The following EMC8 variants were observed in gnomAD, a reference collection of about 807,000 sequenced individuals.
The protein encoded by EMC8 is COX4 neighbor.
A neutral mutation model predicts 24.3 loss-of-function variants in EMC8; 11 were observed. The ratio of observed to expected loss-of-function variants is 0.45; its 90% CI spans 0.28 to 0.75. EMC8 has a LOEUF of 0.75. Ranked by LOEUF, EMC8 falls within the 30% of genes least tolerant of loss-of-function variation. The pLI, the probability that EMC8 is intolerant of heterozygous loss-of-function variation, is 0.12. For synonymous variants in EMC8, 145 were observed against 117.7 expected (o/e 1.23, Z -1.50); for missense variants, 277 against 282.7 (o/e 0.98, Z 0.14).
chr16:85,795,948 T>C (rs1368818869), intron 1 of EMC8, among the ~76,000 whole-genome samples: 1 of 152,080 alleles, frequency 6.6e-6, no homozygotes, highest in African/African-American at 2.4e-5. Flanking sequence ...GAAACTCCTA[T>C]ACATCCGGTC....
At chr16:85,797,513 T>C (rs944656570) in intron 1 of EMC8, among the ~76,000 whole-genome samples, 1 of 152,212 alleles carries the variant, frequency 6.6e-6, no homozygotes, top group African/African-American at 2.4e-5. Flanking sequence ...GCTAAAATAC[T>C]TAGTTTTATA....
chr16:85,780,334 G>T, intron 4 of EMC8, 45 bp downstream of exon 4: 1 of 1,448,664 alleles, frequency 6.9e-7, no homozygotes, highest in Non-Finnish European at 9.7e-7. Flanking sequence ...ACGTGGCCGG[G>T]CGCTGAAGGA....
At chr16:85,783,683 G>C (rs143918012) in intron 2 of EMC8, among the ~76,000 whole-genome samples, 135 of 152,252 alleles carry the variant, frequency 8.9e-4, no homozygotes, top group African/African-American at 3.2e-3. Flanking sequence ...TCAATGTCAG[G>C]AAATCTGCCT....
chr16:85,790,596 T>C (rs924649500), intron 1 of EMC8, among the ~76,000 whole-genome samples: 1 of 152,190 alleles, frequency 6.6e-6, no homozygotes, highest in Non-Finnish European at 1.5e-5. Context: ...TTGCTCTAAA[T>C]TTGGTCAAGT....
chr16:85,794,644 G>A lies in EMC8; in HGVS notation c.231+4421C>T, dbSNP rs530374027. 7.9e-4 allele frequency among the ~76,000 whole-genome samples: 120 copies of A among 152,268 alleles called. 1 individual carries two copies. The highest frequency in any genetic ancestry group is 2.8e-3 in the African/African-American group (118 of 41,538). On this transcript the variant is annotated intron_variant, in intron 1 of 4. Transcript: ENST00000253457. ...GCCAAGGTTGCAGCGAGCCGACATC[G>A]CTCCACTGCACTCCAGCCTGGGTGA...
At chr16:85,781,320 T>C (rs977569840) in intron 2 of EMC8, 40 bp from the exon 3 acceptor site, 6 of 1,279,240 alleles carry the variant, frequency 4.7e-6, no homozygotes, top group East Asian at 2.3e-5. Context: ...GTTAATGCCA[T>C]TCAACACTGT....
At chr16:85,780,500 G>C (rs1904439322) in intron 3 of EMC8, 27 bp from the exon 4 acceptor site, 3 of 1,571,722 alleles carry the variant, frequency 1.9e-6, no homozygotes, top group Non-Finnish European at 2.6e-6. Context: ...GGACACGAGA[G>C]TGAACAGAAT....
rs1270123263 is a variant in EMC8 at position 85,780,398 on chromosome 16, G to T, written c.454C>A (p.Arg152=). 1.2e-6 allele frequency: 2 copies of T among 1,613,892 alleles called. No homozygotes were observed. The highest frequency in any genetic ancestry group is 8.5e-7 in the Non-Finnish European group (1 of 1,179,776). The change falls in exon 4 of 5, where the codon CGG becomes AGG. Residue 152 remains arginine (R), a synonymous_variant. Coordinates refer to ENST00000253457, the MANE Select transcript of EMC8 (RefSeq NM_006067.5). ...ACTCACTGGTGTGGGTCTCTGCACC[G>T]CCATCTGTTCTCATGGTGCTCGTAC... is the stretch of plus-strand genomic sequence containing the variant. ...HVYEHHENRW[R]CRDPHHDYCE...
intron 2 of EMC8, among the ~76,000 whole-genome samples, chr16:85,787,406 C>G (rs1597203884): frequency 6.6e-6 from 1 of 152,244 alleles, no homozygotes; most frequent in Non-Finnish European, 1.5e-5. Flanking sequence ...TGCACCACAG[C>G]CTGTGTTTGC....
At chr16:85,782,155 G>A (rs939023312) in intron 2 of EMC8, among the ~76,000 whole-genome samples, 3 of 152,196 alleles carry the variant, frequency 2.0e-5, no homozygotes, top group Non-Finnish European at 4.4e-5. Context: ...CAAACTCCAA[G>A]CCTCCCGGGC....
chr16:85,794,618 G>A (rs552885997), intron 1 of EMC8, among the ~76,000 whole-genome samples: 411 of 152,322 alleles, frequency 2.7e-3, no homozygotes, highest in Non-Finnish European at 5.2e-3. Context: ...GAACCTGAGA[G>A]GCCAAGGTTG....
chr16:85,791,959 AT>A (rs1905031118), intron 1 of EMC8, among the ~76,000 whole-genome samples: 1 of 152,194 alleles, frequency 6.6e-6, no homozygotes, highest in Non-Finnish European at 1.5e-5. Flanking sequence ...TTGGGGGGTT[AT>A]TACTCAGCTG....
chr16:85,785,923 C>G (rs554688616), intron 2 of EMC8, among the ~76,000 whole-genome samples: 1 of 152,332 alleles, frequency 6.6e-6, no homozygotes, highest in South Asian at 2.1e-4. Context: ...CCGAAACCTA[C>G]TCATATCAAA....
chr16:85,780,219 G>C (rs1348568364), intron 4 of EMC8, 160 bp downstream of exon 4: 3 of 640,048 alleles, frequency 4.7e-6, no homozygotes, highest in Non-Finnish European at 5.6e-6. Flanking sequence ...CTACTGCCTG[G>C]AAGCGCTGGA....
intron 2 of EMC8, among the ~76,000 whole-genome samples, chr16:85,787,256 C>G (rs539049893): frequency 3.3e-5 from 5 of 152,084 alleles, no homozygotes; most frequent in Non-Finnish European, 5.9e-5. Context: ...CTCCTGGTCT[C>G]CACGTCTGCA....
intron 1 of EMC8, 118 bp from the exon 2 acceptor site, chr16:85,789,168 C>T: frequency 1.3e-6 from 1 of 744,646 alleles, no homozygotes; most frequent in Non-Finnish European, 2.4e-6. Context: ...TCTTAATCCT[C>T]ATACCCTACA....
At chr16:85,780,357 C>T (rs301165) in intron 4 of EMC8, 22 bp downstream of exon 4, 1,582,992 of 1,598,426 alleles carry the variant, frequency 0.99, 785,003 homozygotes, top group East Asian at 1. Flanking sequence ...CCAGCCCGCG[C>T]GGCAGCATGG....
intron 1 of EMC8, among the ~76,000 whole-genome samples, chr16:85,797,980 C>A (rs1004646646): frequency 3.9e-5 from 6 of 152,166 alleles, no homozygotes; most frequent in Non-Finnish European, 5.9e-5. Context: ...GCCTAAAATT[C>A]ACTTACCAAC....
chr16:85,790,816 A>C (rs1168278273), intron 1 of EMC8, among the ~76,000 whole-genome samples: 1 of 151,500 alleles, frequency 6.6e-6, no homozygotes, highest in East Asian at 1.9e-4. Context: ...AGTTACACAT[A>C]CTTAGTGGCT....
Sources: gnomAD v4.1 joint callset for allele counts (sites outside exome capture counted in the v4.1 genomes callset) on GRCh38, gnomAD v4.1.1 for gene constraint, MANE v1.5 for transcripts, NCBI Gene and HGNC (gene_info 2026-07-23, HGNC 2026-07-21) for gene names.